Variants in SESN2 observed in about 807,000 individuals in gnomAD.
The protein encoded by SESN2 is sestrin-2.
A neutral mutation model predicts 56.0 loss-of-function variants in SESN2; 42 were observed. The observed-to-expected ratio is 0.75, with a 90% CI of 0.59 to 0.97. The LOEUF (loss-of-function observed/expected upper bound fraction) is 0.97. Among genes scored for constraint, SESN2 ranks in the 50% least tolerant of loss-of-function variants. The pLI, the probability that SESN2 is intolerant of heterozygous loss-of-function variation, is 0.00. For missense variants in SESN2, 507 were observed against 649.4 expected (o/e 0.78, Z 2.38); for synonymous variants, 264 against 267.1 (o/e 0.99, Z 0.11).
intron 1 of SESN2, among the ~76,000 whole-genome samples, chr1:28,266,035 CTTTG>C (rs1322682408): frequency 6.6e-6 from 1 of 152,212 alleles, no homozygotes; most frequent in Non-Finnish European, 1.5e-5. Context: ...AGGCCAAGGG[CTTTG>C]TCTTTTCACT....
intron 1 of SESN2, among the ~76,000 whole-genome samples, chr1:28,268,587 C>T (rs1398136599): frequency 6.6e-6 from 1 of 151,756 alleles, no homozygotes; most frequent in Non-Finnish European, 1.5e-5. Context: ...ATCGCTTGAA[C>T]CCAGGAGGCA....
chr1:28,267,525 G>A (rs1278062925), intron 1 of SESN2, among the ~76,000 whole-genome samples: 1 of 152,066 alleles, frequency 6.6e-6, no homozygotes, highest in Non-Finnish European at 1.5e-5. Flanking sequence ...CCTGAGGGCT[G>A]GTACTAAGTC....
At position 28,274,239 on chromosome 1, in the gene SESN2, G is replaced by C. The variant is rs988352808; in HGVS notation, c.1020+81G>C. 5.3e-6 allele frequency: 5 copies of C among 938,004 alleles called. No homozygotes were observed. The East Asian group carries it at 9.6e-5, about 18-fold the overall frequency. The allele number at this position is 938,004 out of a possible 1,614,324, so 58.1% of individuals were successfully genotyped here. On this transcript the variant is annotated intron_variant, in intron 7 of 9. Transcript: ENST00000253063. ...GGTGGATAGTTTGAGTAGTTACAGA[G>C]TTAGGTACCCAGCTGGGCATGGTAG...
intron 1 of SESN2, among the ~76,000 whole-genome samples, chr1:28,260,211 C>T (rs1647324943): frequency 6.6e-6 from 1 of 151,394 alleles, no homozygotes; most frequent in South Asian, 2.1e-4. Flanking sequence ...CGGATCCTTC[C>T]TCGGCTCCCT....
At chr1:28,269,105 G>T in intron 1 of SESN2, 78 bp from the exon 2 acceptor site, 1 of 1,047,314 alleles carries the variant, frequency 9.5e-7, no homozygotes, top group South Asian at 1.4e-5. Flanking sequence ...CCCTTGGATA[G>T]GAGGAAGAGG....
At chr1:28,265,400 T>G (rs547136434) in intron 1 of SESN2, among the ~76,000 whole-genome samples, 15 of 152,058 alleles carry the variant, frequency 9.9e-5, no homozygotes, top group Non-Finnish European at 1.5e-4. Flanking sequence ...GGGTGTGTGT[T>G]TGTTTGTTTT....
At chr1:28,267,555 G>A (rs1647599136) in intron 1 of SESN2, among the ~76,000 whole-genome samples, 1 of 152,120 alleles carries the variant, frequency 6.6e-6, no homozygotes, top group Non-Finnish European at 1.5e-5. Context: ...ATGGGAAGGG[G>A]AGAACTGGGC....
At chr1:28,260,085 G>T in intron 1 of SESN2, 148 bp downstream of exon 1, 1 of 537,178 alleles carries the variant, frequency 1.9e-6, no homozygotes, top group Non-Finnish European at 3.2e-6. Flanking sequence ...TCAACTGGCA[G>T]CCGCGGCCCT....
intron 6 of SESN2, among the ~76,000 whole-genome samples, 170 bp downstream of exon 6, chr1:28,273,678 GC>G (rs1647884896): frequency 6.6e-6 from 1 of 152,206 alleles, no homozygotes; most frequent in African/African-American, 2.4e-5. Flanking sequence ...TGGGCTGCTA[GC>G]CTTTCCGGCT....
intron 1 of SESN2, among the ~76,000 whole-genome samples, chr1:28,260,388 A>G (rs1020931711): frequency 2.0e-5 from 3 of 151,392 alleles, no homozygotes; most frequent in Non-Finnish European, 3.0e-5. Flanking sequence ...CGGGCAGAGG[A>G]CCCTTCCTGG....
In SESN2 at chr1:28,281,419, G is replaced by C. The variant is rs1274396594; in HGVS notation, c.*617G>C. The C allele has an allele frequency of 1.3e-5, 2 of 151,770 alleles. No homozygotes were observed. The highest frequency in any genetic ancestry group is 2.9e-5 in the Non-Finnish European group (2 of 68,038). The allele number at this position is 151,770 out of a possible 1,614,324, so 9.4% of individuals were successfully genotyped here. The stretch of plus-strand genomic sequence containing the variant: ...TTTTCCCTTTTCTCCATGCTTAATG[G>C]TGTGAGGCGTCAGGAGAGAGGCCAA... On this transcript the variant is annotated 3_prime_UTR_variant, in exon 10 of 10. Transcript: ENST00000253063.
intron 1 of SESN2, among the ~76,000 whole-genome samples, chr1:28,267,990 A>G (rs1432925210): frequency 6.6e-6 from 1 of 152,236 alleles, no homozygotes; most frequent in African/African-American, 2.4e-5. Context: ...TGAGGGCCAG[A>G]AAAAGGTTCC....
intron 8 of SESN2, among the ~76,000 whole-genome samples, chr1:28,275,437 C>T (rs1648000020): frequency 6.6e-6 from 1 of 152,146 alleles, no homozygotes. Context: ...TACGTCTATT[C>T]AGTGAAATAC....
intron 7 of SESN2, among the ~76,000 whole-genome samples, chr1:28,274,400 C>T (rs56194760): frequency 0.043 from 6,514 of 152,222 alleles, 199 homozygotes; most frequent in Middle Eastern, 0.092. Flanking sequence ...TGGAAGGTGG[C>T]GCATGCCTGT....
At chr1:28,269,351 G>C (rs1289372457) in intron 2 of SESN2, 103 bp downstream of exon 2, 1 of 697,964 alleles carries the variant, frequency 1.4e-6, no homozygotes, top group Non-Finnish European at 2.3e-6. Flanking sequence ...CAGCTTTTAA[G>C]CTATTCCTTT....
At chr1:28,265,292 A>C (rs1473448347) in intron 1 of SESN2, among the ~76,000 whole-genome samples, 1 of 152,170 alleles carries the variant, frequency 6.6e-6, no homozygotes, top group Non-Finnish European at 1.5e-5. Context: ...GGAAGCATTC[A>C]GGGTATTGGA....
chr1:28,276,802 C>T (rs1308117093), intron 8 of SESN2, among the ~76,000 whole-genome samples: 2 of 150,786 alleles, frequency 1.3e-5, no homozygotes, highest in Non-Finnish European at 3.0e-5. Context: ...TGGTCTCAAA[C>T]TTCTCACCTC....
chr1:28,278,010 C>T (rs1479854421), intron 8 of SESN2, among the ~76,000 whole-genome samples: 1 of 152,214 alleles, frequency 6.6e-6, no homozygotes, highest in African/African-American at 2.4e-5. Context: ...CCTCTGTCTA[C>T]ACTGATCTGT....
intron 1 of SESN2, among the ~76,000 whole-genome samples, chr1:28,264,063 TAA>T (rs747016677): frequency 4.6e-4 from 49 of 107,618 alleles, no homozygotes; most frequent in Admixed American, 7.8e-4. Context: ...CATCTCTATT[TAA>T]AAAAAAAAAA....
Sources: gnomAD v4.1 joint callset for allele counts (sites outside exome capture counted in the v4.1 genomes callset) on GRCh38, gnomAD v4.1.1 for gene constraint, MANE v1.5 for transcripts, NCBI Gene and HGNC (gene_info 2026-07-23, HGNC 2026-07-21) for gene names.